Variants in AK4 observed in about 807,000 individuals in gnomAD.
AK4 encodes the protein adenylate kinase 4, mitochondrial.
AK4 carries 13 observed loss-of-function variants against 24.6 expected under a neutral mutation model. That is an observed-to-expected ratio of 0.53 (90% CI 0.34 to 0.84). The LOEUF is 0.84. Among genes scored for constraint, AK4 ranks in the 40% least tolerant of loss-of-function variants. The pLI, the probability that AK4 is intolerant of heterozygous loss-of-function variation, is 0.01. For synonymous variants in AK4, 88 were observed against 107.0 expected (o/e 0.82, Z 1.10); for missense variants, 192 against 288.2 (o/e 0.67, Z 2.42).
intron 2 of AK4, among the ~76,000 whole-genome samples, chr1:65,215,159 C>CTT (rs746165086): frequency 2.7e-5 from 4 of 146,170 alleles, no homozygotes; most frequent in Non-Finnish European, 4.5e-5. Flanking sequence ...CTTTTCTTTT[C>CTT]TTTTCTTTCT....
intron 2 of AK4, among the ~76,000 whole-genome samples, chr1:65,199,908 G>T (rs755775869): frequency 1.4e-4 from 21 of 152,138 alleles, no homozygotes; most frequent in Non-Finnish European, 2.6e-4. Flanking sequence ...GAGCATTTCA[G>T]ATTTCAGATT....
chr1:65,197,618 T>C (rs1355405677), intron 2 of AK4, among the ~76,000 whole-genome samples: 2 of 152,230 alleles, frequency 1.3e-5, no homozygotes, highest in African/African-American at 4.8e-5. Flanking sequence ...TGTTTGTGTC[T>C]ATTTTCCCTG....
intron 1 of AK4, among the ~76,000 whole-genome samples, chr1:65,171,933 A>G (rs1174449580): frequency 6.6e-6 from 1 of 151,168 alleles, no homozygotes. Flanking sequence ...ATGGTGGCAC[A>G]TGCCTATAAT....
rs765899833 is a variant in AK4, at chr1:65,190,844, T to G, written c.265+15T>G. On this transcript the variant is annotated intron_variant, in intron 2 of 4. Coordinates refer to ENST00000327299, the MANE Select transcript of AK4 (RefSeq NM_013410.4). ...GCTCCTTGATGGTGAGTTGAAACTG[T>G]GGGTAAACCGAATTTCTGGGAATAG... The G allele has an allele frequency of 6.2e-7, 1 of 1,611,562 alleles. No homozygotes were observed. Among genetic ancestry groups the G allele is most frequent in the Non-Finnish European group, 8.5e-7 (1 of 1,179,322 alleles).
At chr1:65,225,416 G>A (rs758992619) in intron 4 of AK4, among the ~76,000 whole-genome samples, 4 of 152,162 alleles carry the variant, frequency 2.6e-5, no homozygotes, top group African/African-American at 7.2e-5. Context: ...GGGCTGTTCC[G>A]GCCAGTTATC....
chr1:65,172,105 T>TATATATATATATATA (rs1650555801), intron 1 of AK4, among the ~76,000 whole-genome samples: 6 of 69,114 alleles, frequency 8.7e-5, no homozygotes, highest in South Asian at 6.2e-4. Context: ...ATATATATAT[T>TATATATATATATATA]TAAACTCATT....
intron 1 of AK4, among the ~76,000 whole-genome samples, chr1:65,168,487 C>G (rs1650406656): frequency 6.6e-6 from 1 of 151,866 alleles, no homozygotes; most frequent in African/African-American, 2.4e-5. Flanking sequence ...ATGAGGGTCT[C>G]TGTTATGTTA....
chr1:65,152,839 G>C (rs576465084), intron 1 of AK4, among the ~76,000 whole-genome samples: 1 of 152,290 alleles, frequency 6.6e-6, no homozygotes, highest in Admixed American at 6.5e-5. Flanking sequence ...TGCTCATTAA[G>C]TATAAATGTG....
intron 1 of AK4, among the ~76,000 whole-genome samples, chr1:65,183,747 TG>T (rs771702652): frequency 6.6e-6 from 1 of 152,004 alleles, no homozygotes; most frequent in Non-Finnish European, 1.5e-5. Context: ...ATCTGCTTAT[TG>T]GCTCTTCTAC....
intron 2 of AK4, among the ~76,000 whole-genome samples, chr1:65,212,360 G>C (rs1025234278): frequency 1.3e-5 from 2 of 151,090 alleles, no homozygotes; most frequent in Admixed American, 6.6e-5. Context: ...TCAGTGGCGC[G>C]ATCTCAGTGC....
intron 2 of AK4, among the ~76,000 whole-genome samples, chr1:65,205,109 C>T (rs990277238): frequency 6.6e-6 from 1 of 152,134 alleles, no homozygotes; most frequent in African/African-American, 2.4e-5. Context: ...TGCAGAAGAG[C>T]TCATAATATG....
intron 1 of AK4, among the ~76,000 whole-genome samples, chr1:65,149,592 A>AT (rs1460814430): frequency 6.6e-6 from 1 of 152,238 alleles, no homozygotes; most frequent in Non-Finnish European, 1.5e-5. Flanking sequence ...TCATGGACTA[A>AT]TTATCCGGAG....
intron 1 of AK4, among the ~76,000 whole-genome samples, chr1:65,163,240 G>A (rs931856068): frequency 1.2e-4 from 18 of 152,168 alleles, no homozygotes; most frequent in African/African-American, 4.1e-4. Context: ...ATGAAGGTTC[G>A]TTTCTTCTCA....
intron 1 of AK4, among the ~76,000 whole-genome samples, chr1:65,176,881 A>G (rs1172333215): frequency 2.0e-5 from 3 of 152,172 alleles, no homozygotes; most frequent in Admixed American, 2.0e-4. Flanking sequence ...CCATTCCAGT[A>G]TTTCAGTGTT....
At chr1:65,203,193 A>G (rs922527635) in intron 2 of AK4, among the ~76,000 whole-genome samples, 1 of 151,980 alleles carries the variant, frequency 6.6e-6, no homozygotes, top group African/African-American at 2.4e-5. Context: ...GAGCAAGCAA[A>G]GTTTTCTTTC....
chr1:65,192,969 G>A (rs1014568260), intron 2 of AK4, among the ~76,000 whole-genome samples: 1 of 152,218 alleles, frequency 6.6e-6, no homozygotes, highest in Admixed American at 6.5e-5. Flanking sequence ...CCACTCAGCA[G>A]CTCTCATGGG....
chr1:65,185,415 A>G (rs534495958), intron 1 of AK4, among the ~76,000 whole-genome samples: 4 of 152,228 alleles, frequency 2.6e-5, no homozygotes, highest in Admixed American at 1.3e-4. Context: ...TATCCTGCCC[A>G]TCTAGCACCA....
chr1:65,200,975 GT>G (rs1651646440), intron 2 of AK4, among the ~76,000 whole-genome samples: 1 of 152,076 alleles, frequency 6.6e-6, no homozygotes, highest in South Asian at 2.1e-4. Context: ...TGTATGTTTA[GT>G]AGAGACGGGG....
chr1:65,197,417 A>T (rs992944741), intron 2 of AK4, among the ~76,000 whole-genome samples: 2 of 152,252 alleles, frequency 1.3e-5, no homozygotes, highest in Non-Finnish European at 2.9e-5. Flanking sequence ...TTGGAATTGT[A>T]AATGAAATGT....
Sources: gnomAD v4.1 joint callset for allele counts (sites outside exome capture counted in the v4.1 genomes callset) on GRCh38, gnomAD v4.1.1 for gene constraint, MANE v1.5 for transcripts, NCBI Gene and HGNC (gene_info 2026-07-23, HGNC 2026-07-21) for gene names.